PABPC4L: variants seen among roughly 807,000 people sequenced by gnomAD.
The protein encoded by PABPC4L is polyadenylate-binding protein 4-like.
For synonymous variants in PABPC4L, 169 were observed against 164.1 expected (o/e 1.03, Z -0.23); for missense variants, 452 against 451.4 (o/e 1.00, Z -0.01).
chr4:133,972,288 C>T, the PABPC4L span, among the ~76,000 whole-genome samples: 1 of 152,118 alleles, frequency 6.6e-6, no homozygotes, highest in Non-Finnish European at 1.5e-5. Flanking sequence ...AGTTGCTAGT[C>T]CAGAACCCAA....
the PABPC4L span, among the ~76,000 whole-genome samples, chr4:134,009,223 A>G: frequency 1.3e-5 from 2 of 151,958 alleles, no homozygotes; most frequent in African/African-American, 2.4e-5. Context: ...TTAACTAGAG[A>G]AATTCAGGAG....
chr4:133,966,196 A>G, the PABPC4L span, among the ~76,000 whole-genome samples: 3 of 152,216 alleles, frequency 2.0e-5, no homozygotes, highest in African/African-American at 7.2e-5. Flanking sequence ...ATGGCCAACG[A>G]ACATTATGAA....
chr4:134,172,689 G>A, the PABPC4L span, among the ~76,000 whole-genome samples: 3 of 151,908 alleles, frequency 2.0e-5, no homozygotes, highest in Middle Eastern at 0.01. Flanking sequence ...AAAAGCTTCT[G>A]CACAGTAAAA....
intron 1 of PABPC4L, among the ~76,000 whole-genome samples, chr4:134,201,464 G>A (rs538340694): frequency 5.6e-4 from 86 of 152,264 alleles, no homozygotes; most frequent in African/African-American, 2.0e-3. Flanking sequence ...CCCCAGCCGT[G>A]GAGTATGGGC....
At chr4:134,067,075 C>T in the PABPC4L span, among the ~76,000 whole-genome samples, 2 of 152,036 alleles carry the variant, frequency 1.3e-5, no homozygotes, top group African/African-American at 4.8e-5. Flanking sequence ...GAAATCTCTC[C>T]TCCTTAATTT....
chr4:134,188,037 A>G, the PABPC4L span, among the ~76,000 whole-genome samples: 1 of 151,722 alleles, frequency 6.6e-6, no homozygotes, highest in Admixed American at 6.6e-5. Flanking sequence ...TTAACCAAGC[A>G]TTTTACATAG....
At chr4:133,961,339 G>A in the PABPC4L span, among the ~76,000 whole-genome samples, 1 of 151,942 alleles carries the variant, frequency 6.6e-6, no homozygotes, top group Admixed American at 6.6e-5. Flanking sequence ...AGCTGTCAGT[G>A]AGAGACAGGA....
chr4:134,042,797 C>T, the PABPC4L span, among the ~76,000 whole-genome samples: 1 of 152,042 alleles, frequency 6.6e-6, no homozygotes, highest in Non-Finnish European at 1.5e-5. Context: ...TATGGATATT[C>T]ATTGTGAAGT....
At chr4:134,020,336 G>C in the PABPC4L span, among the ~76,000 whole-genome samples, 1 of 152,052 alleles carries the variant, frequency 6.6e-6, no homozygotes. Context: ...TCTGCTACAA[G>C]GGTTTGTGAT....
At chr4:133,997,707 G>A in the PABPC4L span, among the ~76,000 whole-genome samples, 1 of 152,116 alleles carries the variant, frequency 6.6e-6, no homozygotes, top group Non-Finnish European at 1.5e-5. Flanking sequence ...ACTTTGAGGA[G>A]TTAAGACTTC....
chr4:134,168,513 A>T, the PABPC4L span, among the ~76,000 whole-genome samples: 1 of 151,884 alleles, frequency 6.6e-6, no homozygotes, highest in Non-Finnish European at 1.5e-5. Flanking sequence ...AAATTAACAA[A>T]CATTTTGGTC....
At chr4:134,150,191 T>A in the PABPC4L span, among the ~76,000 whole-genome samples, 1 of 151,244 alleles carries the variant, frequency 6.6e-6, no homozygotes, top group Non-Finnish European at 1.5e-5. Flanking sequence ...CAAGCGATTC[T>A]CCCTGCCTCA....
chr4:134,187,467 C>T, the PABPC4L span, among the ~76,000 whole-genome samples: 1 of 146,562 alleles, frequency 6.8e-6, no homozygotes, highest in Non-Finnish European at 1.5e-5. Context: ...ACCACATGTT[C>T]TCACTCATAG....
the PABPC4L span, among the ~76,000 whole-genome samples, chr4:134,174,045 G>T: frequency 6.6e-6 from 1 of 151,736 alleles, no homozygotes; most frequent in Non-Finnish European, 1.5e-5. Flanking sequence ...TATTCAATAA[G>T]CTTCTTTCTT....
At chr4:133,955,238 T>C in the PABPC4L span, among the ~76,000 whole-genome samples, 1 of 152,086 alleles carries the variant, frequency 6.6e-6, no homozygotes, top group Non-Finnish European at 1.5e-5. Context: ...AGTTTAATAC[T>C]TTGGAAAGAA....
the PABPC4L span, among the ~76,000 whole-genome samples, chr4:134,020,918 G>T: frequency 6.6e-6 from 1 of 152,058 alleles, no homozygotes; most frequent in South Asian, 2.1e-4. Flanking sequence ...TCAATATATT[G>T]TACTGTTGTA....
chr4:133,993,946 T>TA, the PABPC4L span, among the ~76,000 whole-genome samples: 1 of 151,996 alleles, frequency 6.6e-6, no homozygotes, highest in Non-Finnish European at 1.5e-5. Flanking sequence ...CTGTAATAAA[T>TA]AAACAGAGTA....
At chr4:134,066,774 C>G in the PABPC4L span, among the ~76,000 whole-genome samples, 1 of 151,872 alleles carries the variant, frequency 6.6e-6, no homozygotes, top group Non-Finnish European at 1.5e-5. Context: ...TACTAAAAGC[C>G]TTTTTTGCAT....
At chr4:133,976,235 C>T in the PABPC4L span, among the ~76,000 whole-genome samples, 13 of 152,202 alleles carry the variant, frequency 8.5e-5, no homozygotes, top group African/African-American at 2.9e-4. Flanking sequence ...TGTTAGTTTC[C>T]TGAGGATAAT....
Sources: allele counts gnomAD v4.1 joint callset (sites outside exome capture counted in the v4.1 genomes callset), GRCh38; gene constraint gnomAD v4.1.1; transcripts MANE v1.5; gene names NCBI Gene and HGNC (gene_info 2026-07-23, HGNC 2026-07-21).